Variants in SLC12A1 observed in about 807,000 individuals in gnomAD.
SLC12A1 encodes the protein solute carrier family 12 member 1, also known as Na-K-2Cl cotransporter.
In SLC12A1, 89 loss-of-function variants were observed where a neutral mutation model predicts 130.4. That is an observed-to-expected ratio of 0.68 (90% CI 0.58 to 0.81). The LOEUF (loss-of-function observed/expected upper bound fraction) is 0.81, where lower values mean the gene tolerates loss of function less well. Ranked by LOEUF, SLC12A1 falls within the 40% of genes least tolerant of loss-of-function variation. The pLI is 0.00. For missense variants in SLC12A1, 1,310 were observed against 1,336.4 expected (o/e 0.98, Z 0.31); for synonymous variants, 499 against 460.0 (o/e 1.08, Z -1.09).
rs756435918 is a variant in SLC12A1 at position 48,247,445 on chromosome 15, G to T, written c.1669G>T (p.Ala557Ser). The change falls in exon 13 of 27, where the codon GCA (alanine) becomes TCA (serine). Residue 557 changes from alanine to serine, a missense_variant. Coordinates refer to ENST00000380993, the MANE Select transcript of SLC12A1 (RefSeq NM_000338.3). ...GYILTFLIAM[A>S]FILIAELNTI... Reference sequence around the variant, plus strand: ...TATTCTCACTTTTCTTATAGCCATGGCATTTATTCTTATTGGTTTGTAAAG... The same window carrying T: ...TATTCTCACTTTTCTTATAGCCATGTCATTTATTCTTATTGGTTTGTAAAG... 4 of 1,607,154 alleles carry T rather than the reference G, an allele frequency of 2.5e-6. No homozygotes were observed. In the East Asian group the frequency reaches 8.9e-5, roughly 36 times the overall value.
intron 7 of SLC12A1, 51 bp from the exon 8 acceptor site, chr15:48,232,676 A>C (rs1288584015): frequency 8.9e-7 from 1 of 1,124,960 alleles, no homozygotes. Context: ...TAATTATGTA[A>C]AAAGTTGTTA....
chr15:48,298,639 C>T (rs1203382704), intron 24 of SLC12A1, among the ~76,000 whole-genome samples: 3 of 152,176 alleles, frequency 2.0e-5, no homozygotes, highest in Non-Finnish European at 4.4e-5. Context: ...CCTACCTGCC[C>T]GCGGCCTCCT....
intron 20 of SLC12A1, among the ~76,000 whole-genome samples, chr15:48,281,555 G>A (rs1946734530): frequency 6.6e-6 from 1 of 152,198 alleles, no homozygotes; most frequent in Admixed American, 6.5e-5. Flanking sequence ...GGAGAAGAGA[G>A]AAGAGGGATA....
chr15:48,209,607 C>T (rs2041028243), intron 2 of SLC12A1, among the ~76,000 whole-genome samples: 2 of 152,048 alleles, frequency 1.3e-5, no homozygotes, highest in African/African-American at 4.8e-5. Flanking sequence ...CCATTCGTTC[C>T]TTCAATATTT....
chr15:48,254,592 T>TAAAAAAAAAAAAAAAAAAAAAAAAA (rs550686114), intron 15 of SLC12A1, among the ~76,000 whole-genome samples: 1 of 52,862 alleles, frequency 1.9e-5, no homozygotes, highest in African/African-American at 5.2e-5. Flanking sequence ...CTTAAATTCG[T>TAAAAAAAAAAAAAAAAAAAAAAAAA]AAAAAAAAAA....
chr15:48,208,953 C>A (rs2041017764), intron 2 of SLC12A1, among the ~76,000 whole-genome samples: 1 of 152,124 alleles, frequency 6.6e-6, no homozygotes, highest in Non-Finnish European at 1.5e-5. Context: ...TGTGCTTAAG[C>A]ATATAAAAAT....
At chr15:48,238,631 G>A (rs958298819) in intron 9 of SLC12A1, among the ~76,000 whole-genome samples, 1 of 152,184 alleles carries the variant, frequency 6.6e-6, no homozygotes, top group African/African-American at 2.4e-5. Flanking sequence ...GGGAAATGGG[G>A]AGGAAACTTC....
At chr15:48,240,074 T>TATATATATATATATATATCC (rs1567317071) in intron 9 of SLC12A1, among the ~76,000 whole-genome samples, 7 of 77,962 alleles carry the variant, frequency 9.0e-5, no homozygotes, top group African/African-American at 5.3e-4. Context: ...TATATATCCA[T>TATATATATATATATATATCC]ATATATATAT....
chr15:48,240,092 CAT>C (rs1202434183), intron 9 of SLC12A1, among the ~76,000 whole-genome samples: 14,326 of 60,204 alleles, frequency 0.24, 1,910 homozygotes, highest in African/African-American at 0.4. Context: ...TATATATATC[CAT>C]ATATATATAT....
intron 24 of SLC12A1, among the ~76,000 whole-genome samples, chr15:48,293,048 T>C (rs2042137769): frequency 6.6e-6 from 1 of 152,134 alleles, no homozygotes; most frequent in African/African-American, 2.4e-5. Context: ...CCTAGATAGC[T>C]GGGACCACAA....
intron 24 of SLC12A1, among the ~76,000 whole-genome samples, chr15:48,296,390 T>G (rs1033503741): frequency 1.9e-4 from 29 of 152,170 alleles, no homozygotes; most frequent in African/African-American, 7.0e-4. Context: ...AGAAAATAAT[T>G]GACCCAGGAG....
intron 12 of SLC12A1, 125 bp from the exon 13 acceptor site, chr15:48,247,212 G>A: frequency 1.0e-6 from 1 of 999,980 alleles, no homozygotes; most frequent in Admixed American, 2.3e-5. Flanking sequence ...ATAAACTGCA[G>A]TGTTAACTTG....
intron 19 of SLC12A1, among the ~76,000 whole-genome samples, chr15:48,270,785 T>TAC (rs951301077): frequency 1.0e-3 from 13 of 12,928 alleles, no homozygotes; most frequent in East Asian, 9.5e-3. Flanking sequence ...TATATATATA[T>TAC]ACACACACAC....
intron 20 of SLC12A1, among the ~76,000 whole-genome samples, chr15:48,277,094 A>G (rs1008944263): frequency 6.6e-6 from 1 of 152,150 alleles, no homozygotes; most frequent in African/African-American, 2.4e-5. Context: ...AGAAGCTTGG[A>G]TGGTAACAAG....
At chr15:48,209,139 G>A (rs1246851591) in intron 2 of SLC12A1, among the ~76,000 whole-genome samples, 1 of 152,142 alleles carries the variant, frequency 6.6e-6, no homozygotes, top group African/African-American at 2.4e-5. Flanking sequence ...TCGGCTCACC[G>A]CAACCTCCAC....
Position 48,302,973 on chromosome 15 carries a change from T to C in SLC12A1, c.*88T>C, listed in dbSNP as rs1190295753. ...TACTTTATGTTGTAAATCTGATCTA[T>C]GGATATGCAAACCTCTGGAGAGGAT... On this transcript the variant is annotated 3_prime_UTR_variant, in exon 27 of 27. Transcript: ENST00000380993. 1.9e-6 allele frequency: 2 copies of C among 1,031,154 alleles called. No homozygotes were observed. Among genetic ancestry groups the C allele is most frequent in the African/African-American group, 3.2e-5 (2 of 62,858 alleles). The allele number at this position is 1,031,154 out of a possible 1,614,324, so 63.9% of individuals were successfully genotyped here. A position where few individuals can be genotyped will look rare whatever the true frequency, so the allele number is the denominator to read the frequency against.
chr15:48,296,594 A>G (rs1446769887), intron 24 of SLC12A1, among the ~76,000 whole-genome samples: 1 of 152,212 alleles, frequency 6.6e-6, no homozygotes, highest in African/African-American at 2.4e-5. Context: ...AAGAAATTTT[A>G]TGTGGACTTA....
chr15:48,236,455 A>G (rs546567476), intron 9 of SLC12A1, among the ~76,000 whole-genome samples: 3 of 152,340 alleles, frequency 2.0e-5, no homozygotes, highest in Admixed American at 1.3e-4. Context: ...GTTCAACTGG[A>G]GAAACCCTGA....
chr15:48,293,771 G>A (rs75535517), intron 24 of SLC12A1, among the ~76,000 whole-genome samples: 3,855 of 152,228 alleles, frequency 0.025, 76 homozygotes, highest in African/African-American at 0.049. Context: ...ACTGCAAGGC[G>A]CTGTGGCTCA....
Sources: gnomAD v4.1 joint callset for allele counts (sites outside exome capture counted in the v4.1 genomes callset) on GRCh38, gnomAD v4.1.1 for gene constraint, MANE v1.5 for transcripts, NCBI Gene and HGNC (gene_info 2026-07-23, HGNC 2026-07-21) for gene names.